DNAAF4: variants seen among roughly 807,000 people sequenced by gnomAD.
The protein encoded by DNAAF4 is dynein assembly factor 4, axonemal.
DNAAF4 carries 43 observed loss-of-function variants against 51.8 expected under a neutral mutation model. The observed-to-expected ratio is 0.83, with a 90% CI of 0.65 to 1.07. The LOEUF is 1.07. Among genes scored for constraint, DNAAF4 ranks in the 50% least tolerant of loss-of-function variants. DNAAF4 has a pLI of 0.00. For synonymous variants in DNAAF4, 194 were observed against 165.6 expected (o/e 1.17, Z -1.32); for missense variants, 581 against 493.0 (o/e 1.18, Z -1.69).
chr15:55,437,605 T>C (rs1340963554), intron 7 of DNAAF4, among the ~76,000 whole-genome samples: 2 of 151,816 alleles, frequency 1.3e-5, no homozygotes, highest in African/African-American at 4.8e-5. Flanking sequence ...GTTAAAGAGT[T>C]TGATGGAGAG....
At chr15:55,462,599 T>G (rs976243780) in intron 5 of DNAAF4, among the ~76,000 whole-genome samples, 9 of 147,214 alleles carry the variant, frequency 6.1e-5, no homozygotes, top group African/African-American at 2.3e-4. Context: ...ACGCCAGTAC[T>G]ACCCTAATAC....
At chr15:55,497,451 T>G (rs1398385102) in intron 3 of DNAAF4, among the ~76,000 whole-genome samples, 2 of 151,528 alleles carry the variant, frequency 1.3e-5, no homozygotes, top group Non-Finnish European at 2.9e-5. Context: ...ACAAAAAAAT[T>G]TAGCCGGGCG....
chr15:55,453,090 G>C (rs2057961661), intron 5 of DNAAF4, among the ~76,000 whole-genome samples: 1 of 152,164 alleles, frequency 6.6e-6, no homozygotes, highest in African/African-American at 2.4e-5. Flanking sequence ...CTCCCAAAGT[G>C]CTGGGATTAC....
intron 5 of DNAAF4, among the ~76,000 whole-genome samples, chr15:55,465,829 G>A (rs2058163669): frequency 6.6e-6 from 1 of 152,050 alleles, no homozygotes; most frequent in African/African-American, 2.4e-5. Flanking sequence ...TCCTCCCAAA[G>A]TGTTAGGATT....
intron 3 of DNAAF4, among the ~76,000 whole-genome samples, chr15:55,497,282 T>C (rs888876697): frequency 6.6e-6 from 1 of 152,112 alleles, no homozygotes; most frequent in East Asian, 1.9e-4. Context: ...ACCCAGCTAT[T>C]GAACCTTGGA....
intron 7 of DNAAF4, among the ~76,000 whole-genome samples, chr15:55,424,598 C>CTAAAA (rs1237176074): frequency 6.6e-6 from 1 of 152,120 alleles, no homozygotes; most frequent in African/African-American, 2.4e-5. Context: ...GCACCTTGCT[C>CTAAAA]TTTATCCAGG....
intron 4 of DNAAF4, among the ~76,000 whole-genome samples, chr15:55,481,130 T>A (rs566890863): frequency 3.3e-5 from 5 of 152,320 alleles, no homozygotes; most frequent in African/African-American, 1.2e-4. Context: ...CAATGAAAAC[T>A]CTTTCCTTTA....
At chr15:55,487,233 TAAAC>T (rs1388752853) in intron 4 of DNAAF4, among the ~76,000 whole-genome samples, 6 of 152,110 alleles carry the variant, frequency 3.9e-5, no homozygotes, top group Non-Finnish European at 8.8e-5. Context: ...TAAAGGATTG[TAAAC>T]ATACCAATCA....
chr15:55,425,501 G>C (rs1262689724), downstream of DNAAF4, among the ~76,000 whole-genome samples: 1 of 151,940 alleles, frequency 6.6e-6, no homozygotes, highest in Non-Finnish European at 1.5e-5. Context: ...TTATTCTCAG[G>C]CCTCACAGGA....
intron 3 of DNAAF4, among the ~76,000 whole-genome samples, chr15:55,491,678 ATTATAT>A (rs1243315316): frequency 2.5e-5 from 3 of 120,568 alleles, no homozygotes; most frequent in Non-Finnish European, 5.2e-5. Context: ...TATAGATAAT[ATTATAT>A]TATTATATAA....
At chr15:55,468,635 C>T (rs1404996784) in intron 4 of DNAAF4, among the ~76,000 whole-genome samples, 1 of 152,108 alleles carries the variant, frequency 6.6e-6, no homozygotes, top group Non-Finnish European at 1.5e-5. Context: ...ACTCTCTGCC[C>T]CAACACATGA....
rs931654756 is a variant in DNAAF4, at chr15:55,491,614, C to T, written c.272-358G>A. Among the ~76,000 whole-genome samples the T allele has an allele frequency of 2.1e-5, 3 of 144,254 alleles. No homozygotes were observed. The Admixed American group carries it at 2.2e-4, about 10-fold the overall frequency. 94.6% of individuals were successfully genotyped at this position (144,254 alleles called of 152,430 possible). ...AGGGCTATTTGCTTATAAACCTGAT[C>T]ACAATAAATCATCATTTATATAATA... On this transcript the variant is annotated intron_variant, in intron 3 of 9. Coordinates refer to ENST00000321149, the MANE Select transcript of DNAAF4 (RefSeq NM_130810.4).
chr15:55,417,804 G>A (rs2057349981), exon 8 of DNAAF4: 2 of 230,166 alleles, frequency 8.7e-6, no homozygotes, highest in South Asian at 9.7e-5. Context: ...GGCGGGCTGA[G>A]TCCGAAAAGA....
rs528935312 is a variant in DNAAF4 at position 55,443,126 on chromosome 15, G to A, written c.784-3545C>T. Reference sequence around the variant, plus strand: ...TCAGTAGGTGTACGTTTATATGAAGGCAAACGTTTCCAGGAGCCGTCTTCA... The same window carrying A: ...TCAGTAGGTGTACGTTTATATGAAGACAAACGTTTCCAGGAGCCGTCTTCA... On this transcript the variant is annotated intron_variant, in intron 6 of 9. Coordinates refer to ENST00000321149, the MANE Select transcript of DNAAF4 (RefSeq NM_130810.4). 4 of 1,610,480 alleles carry A rather than the reference G, an allele frequency of 2.5e-6. No homozygotes were observed. The African/African-American group carries it at 5.3e-5, about 21-fold the overall frequency.
intron 3 of DNAAF4, among the ~76,000 whole-genome samples, chr15:55,494,283 C>T (rs2058611523): frequency 6.6e-6 from 1 of 152,150 alleles, no homozygotes; most frequent in Admixed American, 6.5e-5. Context: ...CCCGCCTCGG[C>T]CTACCAAAGT....
At chr15:55,483,502 T>C (rs192785767) in intron 4 of DNAAF4, among the ~76,000 whole-genome samples, 1 of 152,286 alleles carries the variant, frequency 6.6e-6, no homozygotes, top group Admixed American at 6.5e-5. Flanking sequence ...TTTAAAAGAA[T>C]GAACTTTATG....
chr15:55,501,022 TAAA>T (rs374770939), intron 1 of DNAAF4, among the ~76,000 whole-genome samples: 1 of 143,442 alleles, frequency 7.0e-6, no homozygotes, highest in Non-Finnish European at 1.5e-5. Context: ...AATGGAAACT[TAAA>T]AAAAAAAATA....
intron 6 of DNAAF4, chr15:55,443,012 A>C (rs2057738827): frequency 5.0e-6 from 8 of 1,611,412 alleles, no homozygotes; most frequent in Non-Finnish European, 8.5e-7. Flanking sequence ...CCATCATCAA[A>C]GCTTCTGGTG....
At chr15:55,449,162 G>C (rs1285270893) in intron 6 of DNAAF4, among the ~76,000 whole-genome samples, 1 of 149,520 alleles carries the variant, frequency 6.7e-6, no homozygotes, top group African/African-American at 2.4e-5. Context: ...ACTAATTTTT[G>C]TATTTTTAAT....
Sources: gnomAD v4.1 joint callset for allele counts (sites outside exome capture counted in the v4.1 genomes callset) on GRCh38, gnomAD v4.1.1 for gene constraint, MANE v1.5 for transcripts, NCBI Gene and HGNC (gene_info 2026-07-23, HGNC 2026-07-21) for gene names.